The following DLG2 variants were observed in gnomAD, a reference collection of about 807,000 sequenced individuals.
DLG2 encodes disks large homolog 2.
DLG2 carries 45 observed loss-of-function variants against 132.5 expected under a neutral mutation model. The ratio of observed to expected loss-of-function variants is 0.34; its 90% CI spans 0.27 to 0.44. DLG2 has a LOEUF of 0.44. DLG2 is among the 20% of genes least tolerant of loss of function. DLG2 has a pLI of 1.00. For synonymous variants in DLG2, 424 were observed against 419.6 expected, an observed-to-expected ratio of 1.01 and a Z score of -0.13; for missense variants, 1,045 against 1,196.9, an observed-to-expected ratio of 0.87 and a Z score of 1.87.
At chr11:84,734,663 T>G (rs1462019304) in intron 6 of DLG2, among the ~76,000 whole-genome samples, 1 of 152,176 alleles carries the variant, frequency 6.6e-6, no homozygotes, top group East Asian at 1.9e-4. Flanking sequence ...GGCCAGAACT[T>G]CCAACACTAT....
At chr11:85,457,422 A>G (rs1020734644) in intron 3 of DLG2, among the ~76,000 whole-genome samples, 2 of 152,132 alleles carry the variant, frequency 1.3e-5, no homozygotes, top group African/African-American at 4.8e-5. Context: ...AACTGGGGGA[A>G]TTTAGCCCAT....
At chr11:84,520,724 T>C (rs989081257) in intron 7 of DLG2, among the ~76,000 whole-genome samples, 1 of 152,086 alleles carries the variant, frequency 6.6e-6, no homozygotes, top group African/African-American at 2.4e-5. Context: ...GAAATAGAAG[T>C]TGAGGTGGAG....
intron 9 of DLG2, among the ~76,000 whole-genome samples, chr11:84,127,033 A>C (rs2094205165): frequency 6.6e-6 from 1 of 152,230 alleles, no homozygotes; most frequent in South Asian, 2.1e-4. Context: ...AGCCAGTGCC[A>C]ATGCCATATT....
At chr11:83,801,157 A>G (rs2044274144) in intron 17 of DLG2, among the ~76,000 whole-genome samples, 1 of 152,006 alleles carries the variant, frequency 6.6e-6, no homozygotes, top group Non-Finnish European at 1.5e-5. Context: ...CCACCTCCCC[A>G]TGCAATCCCT....
chr11:85,169,567 G>C (rs1333352516), intron 4 of DLG2, among the ~76,000 whole-genome samples: 2 of 152,134 alleles, frequency 1.3e-5, no homozygotes, highest in Non-Finnish European at 2.9e-5. Flanking sequence ...ATTTTTAGGA[G>C]AGTTGATTGG....
chr11:83,745,038 G>A (rs542947140), intron 18 of DLG2, among the ~76,000 whole-genome samples: 25 of 152,254 alleles, frequency 1.6e-4, no homozygotes, highest in Admixed American at 5.9e-4. Context: ...AGCAATTAGC[G>A]AAAGCAACCA....
chr11:85,169,565 G>A (rs529527899), intron 4 of DLG2, among the ~76,000 whole-genome samples: 19 of 152,102 alleles, frequency 1.2e-4, no homozygotes, highest in Non-Finnish European at 2.2e-4. Context: ...TGATTTTTAG[G>A]AGAGTTGATT....
rs1267939320 is a variant in DLG2, at chr11:83,753,874, TG to T, written c.1825+32815del. On this transcript the variant is annotated intron_variant, in intron 18 of 27. Transcript: ENST00000376104. ...ATATCATATATATATTTCATATATA[TG>T]ATATATATCATATATATCATATATA... 9.9e-3 allele frequency among the ~76,000 whole-genome samples: 865 copies of T among 87,682 alleles called. 96 individuals carry two copies. Among genetic ancestry groups the T allele is most frequent in the African/African-American group, 0.059 (788 of 13,402 alleles). 57.5% of individuals were successfully genotyped at this position (87,682 alleles called of 152,430 possible).
chr11:83,637,732 C>T (rs2065231382), intron 18 of DLG2, among the ~76,000 whole-genome samples: 2 of 152,168 alleles, frequency 1.3e-5, no homozygotes, highest in Admixed American at 1.3e-4. Context: ...TTCCCTTCAT[C>T]TATTGTGTTA....
intron 15 of DLG2, among the ~76,000 whole-genome samples, chr11:83,910,604 A>C (rs1402052958): frequency 6.6e-6 from 1 of 152,182 alleles, no homozygotes; most frequent in Non-Finnish European, 1.5e-5. Flanking sequence ...GTTTGAGATG[A>C]TGGATATGCT....
chr11:85,449,790 G>GTTT (rs60329092), intron 3 of DLG2, among the ~76,000 whole-genome samples: 42 of 144,442 alleles, frequency 2.9e-4, no homozygotes, highest in Middle Eastern at 3.6e-3. Flanking sequence ...ACTACCTAAA[G>GTTT]TTTTTTTTTT....
intron 11 of DLG2, among the ~76,000 whole-genome samples, chr11:84,016,431 A>G (rs2095190879): frequency 1.3e-5 from 2 of 151,956 alleles, no homozygotes; most frequent in Non-Finnish European, 2.9e-5. Flanking sequence ...CCTCATGCCT[A>G]TGTCTTGAAT....
At chr11:84,712,925 A>G (rs1178364893) in intron 6 of DLG2, among the ~76,000 whole-genome samples, 1 of 152,134 alleles carries the variant, frequency 6.6e-6, no homozygotes, top group East Asian at 1.9e-4. Context: ...TTGGCTGTGT[A>G]ACTTGCTGTG....
chr11:83,804,844 C>T (rs945916273), intron 17 of DLG2, among the ~76,000 whole-genome samples: 1 of 151,988 alleles, frequency 6.6e-6, no homozygotes, highest in Non-Finnish European at 1.5e-5. Context: ...TTTCTTAAAT[C>T]CAGGATTTAA....
At chr11:84,244,257 C>T (rs2097272565) in intron 8 of DLG2, among the ~76,000 whole-genome samples, 1 of 152,132 alleles carries the variant, frequency 6.6e-6, no homozygotes, top group South Asian at 2.1e-4. Flanking sequence ...AATCTCAGCT[C>T]ATTGCAACCT....
intron 6 of DLG2, among the ~76,000 whole-genome samples, chr11:85,084,065 T>C (rs549936005): frequency 1.3e-5 from 2 of 152,128 alleles, no homozygotes; most frequent in African/African-American, 2.4e-5. Context: ...CAGGTACTTA[T>C]GGATTTTGCT....
At chr11:84,230,153 A>G (rs2097070629) in intron 8 of DLG2, among the ~76,000 whole-genome samples, 1 of 152,230 alleles carries the variant, frequency 6.6e-6, no homozygotes, top group African/African-American at 2.4e-5. Context: ...TGAGCCTGTC[A>G]TGATAGAACA....
chr11:85,190,781 C>G lies in DLG2; in HGVS notation c.187-36130G>C, dbSNP rs191943095. Among the ~76,000 whole-genome samples the G allele has an allele frequency of 4.1e-3, 626 of 152,206 alleles. 5 individuals are homozygous for G. Among genetic ancestry groups the G allele is most frequent in the African/African-American group, 0.014 (601 of 41,522 alleles). On this transcript the variant is annotated intron_variant, in intron 4 of 27. Transcript: ENST00000376104. ...AAATGTTTGATATCACTAATCATTA[C>G]AGAAATTCAAATCAAAACCACAATG...
chr11:84,198,104 T>C (rs1025421828), intron 8 of DLG2, among the ~76,000 whole-genome samples: 1 of 152,296 alleles, frequency 6.6e-6, no homozygotes, highest in South Asian at 2.1e-4. Context: ...AATACAGGTA[T>C]AGATATTTTG....
Sources: allele counts gnomAD v4.1 joint callset (sites outside exome capture counted in the v4.1 genomes callset), GRCh38; gene constraint gnomAD v4.1.1; transcripts MANE v1.5; gene names NCBI Gene and HGNC (gene_info 2026-07-23, HGNC 2026-07-21).